The following RBBP8 variants were observed in gnomAD, a reference collection of about 807,000 sequenced individuals.
The protein encoded by RBBP8 is RB binding protein 8, endonuclease, also known as DNA endonuclease RBBP8.
A neutral mutation model predicts 108.3 loss-of-function variants in RBBP8; 88 were observed. The ratio of observed to expected loss-of-function variants is 0.81; its 90% CI spans 0.68 to 0.97. RBBP8 has a LOEUF of 0.97. Among genes scored for constraint, RBBP8 ranks in the 50% least tolerant of loss-of-function variants. The pLI is 0.00. For synonymous variants in RBBP8, 332 were observed against 348.2 expected (o/e 0.95, Z 0.52); for missense variants, 1,023 against 1,049.0 (o/e 0.98, Z 0.34).
chr18:22,923,381 A>C (rs1909671134), intron 3 of RBBP8, among the ~76,000 whole-genome samples: 1 of 152,210 alleles, frequency 6.6e-6, no homozygotes, highest in African/African-American at 2.4e-5. Flanking sequence ...TATAGAACTC[A>C]ACAATGATTC....
intron 3 of RBBP8, among the ~76,000 whole-genome samples, chr18:22,924,893 C>CT (rs139454812): frequency 2.0e-3 from 295 of 145,418 alleles, no homozygotes; most frequent in East Asian, 8.1e-3. Flanking sequence ...AGGAAGGAAG[C>CT]TTTTTTTTTT....
chr18:23,010,285 A>G (rs960599631), intron 16 of RBBP8, among the ~76,000 whole-genome samples: 2 of 152,032 alleles, frequency 1.3e-5, no homozygotes, highest in Non-Finnish European at 2.9e-5. Flanking sequence ...TCATTGAGAT[A>G]GATTCCTAGA....
intron 18 of RBBP8, among the ~76,000 whole-genome samples, chr18:23,025,197 G>A (rs1313457852): frequency 2.0e-5 from 3 of 152,168 alleles, no homozygotes; most frequent in African/African-American, 7.2e-5. Context: ...GGAGGCTGCA[G>A]TGAGCCGTTA....
chr18:22,938,050 C>T (rs1183312902), intron 2 of RBBP8, among the ~76,000 whole-genome samples: 1 of 152,118 alleles, frequency 6.6e-6, no homozygotes, highest in African/African-American at 2.4e-5. Context: ...TGGTCTTGAA[C>T]TTCTGGGCTC....
intron 6 of RBBP8, among the ~76,000 whole-genome samples, chr18:22,979,452 T>A (rs1914743195): frequency 6.6e-6 from 1 of 152,154 alleles, no homozygotes; most frequent in Non-Finnish European, 1.5e-5. Context: ...AGTGTAAATC[T>A]TTTTTGGGAA....
chr18:22,940,879 A>G (rs1229350477), intron 2 of RBBP8, among the ~76,000 whole-genome samples: 1 of 151,936 alleles, frequency 6.6e-6, no homozygotes, highest in African/African-American at 2.4e-5. Context: ...CCTGGGCTCA[A>G]GCAGTCCTCT....
chr18:23,022,668 T>TAAAATAAAAA lies in RBBP8; in HGVS notation c.2596+401_2596+402insATAAAAAAAA, dbSNP rs1353697130. Among the ~76,000 whole-genome samples, 32 of 136,064 alleles carry TAAAATAAAAA rather than the reference T, an allele frequency of 2.4e-4. 1 individual carries two copies. The highest frequency in any genetic ancestry group is 7.5e-4 in the African/African-American group (26 of 34,750). The allele number at this position is 136,064 out of a possible 152,430, so 89.3% of individuals were successfully genotyped here. ...AAATACAATATAAAATAAAATAAAA[T>TAAAATAAAAA]AAATAACTGTATATGCCCAAATGTG... On this transcript the variant is annotated intron_variant, in intron 18 of 18. Transcript: ENST00000327155.
At chr18:22,952,532 A>C (rs1001490753) in intron 4 of RBBP8, among the ~76,000 whole-genome samples, 1 of 152,222 alleles carries the variant, frequency 6.6e-6, no homozygotes, top group Non-Finnish European at 1.5e-5. Context: ...GCAGCAGTAC[A>C]TAACAGATAT....
At chr18:22,938,301 GT>G (rs1400809237) in intron 2 of RBBP8, among the ~76,000 whole-genome samples, 1 of 131,634 alleles carries the variant, frequency 7.6e-6, no homozygotes, top group African/African-American at 2.7e-5. Context: ...CAGCTAGTTT[GT>G]TTTTGTTTTT....
chr18:23,016,920 A>C lies in RBBP8; in HGVS notation c.2450A>C (p.Glu817Ala). The C allele has an allele frequency of 6.2e-7, 1 of 1,608,086 alleles. No homozygotes were observed. Among genetic ancestry groups the C allele is most frequent in the Non-Finnish European group, 8.5e-7 (1 of 1,174,686 alleles). Residue 817 changes from glutamate to alanine, a missense_variant, in exon 17 of 19, where the codon GAA becomes GCA. Transcript: ENST00000327155. ...KLLGHTCKEC[E>A]IYYADMPAEE... ...CTTGGGCACACGTGTAAGGAATGTG[A>C]AATTGTAAGTACTAATGTAGATACT... is the stretch of plus-strand genomic sequence containing the variant.
At chr18:22,940,590 G>C (rs1366585376) in intron 2 of RBBP8, among the ~76,000 whole-genome samples, 4 of 151,988 alleles carry the variant, frequency 2.6e-5, no homozygotes, top group African/African-American at 9.7e-5. Context: ...AAAGTGCTGG[G>C]ATTACAGGCG....
intron 18 of RBBP8, among the ~76,000 whole-genome samples, chr18:23,025,751 A>G (rs1821009532): frequency 6.6e-6 from 1 of 152,180 alleles, no homozygotes; most frequent in African/African-American, 2.4e-5. Context: ...CAGAATAGGA[A>G]AGTGTTTAAG....
At chr18:23,013,930 C>T (rs1305725274) in intron 16 of RBBP8, among the ~76,000 whole-genome samples, 2 of 152,166 alleles carry the variant, frequency 1.3e-5, no homozygotes, top group African/African-American at 4.8e-5. Context: ...GACCTCAATA[C>T]TACTGTTCAT....
At chr18:22,970,892 G>A (rs1407886448) in intron 5 of RBBP8, among the ~76,000 whole-genome samples, 1 of 152,048 alleles carries the variant, frequency 6.6e-6, no homozygotes, top group Non-Finnish European at 1.5e-5. Context: ...TTCTTACCTT[G>A]TTTAGGAAGG....
chr18:23,002,683 A>G (rs2045968473), intron 15 of RBBP8, among the ~76,000 whole-genome samples: 1 of 152,238 alleles, frequency 6.6e-6, no homozygotes. Flanking sequence ...CGAATTTTTA[A>G]TCTAGTGCAA....
intron 8 of RBBP8, among the ~76,000 whole-genome samples, chr18:22,986,651 AAG>A (rs1915345386): frequency 6.6e-6 from 1 of 152,250 alleles, no homozygotes. Flanking sequence ...ATTCTGGAGA[AAG>A]AGGGAACAAT....
At chr18:22,975,046 T>C in intron 5 of RBBP8, 107 bp from the exon 6 acceptor site, 2 of 1,313,962 alleles carry the variant, frequency 1.5e-6, no homozygotes, top group South Asian at 2.8e-5. Context: ...TGATTTAGGA[T>C]TAGAAGTACT....
At chr18:23,008,975 G>A (rs929612707) in intron 16 of RBBP8, among the ~76,000 whole-genome samples, 3 of 151,702 alleles carry the variant, frequency 2.0e-5, no homozygotes, top group South Asian at 2.1e-4. Flanking sequence ...GGGTTTCACC[G>A]TGTTAGCCAG....
chr18:22,959,722 ATGTGTGTGTGTGTTTGTG>A (rs1417074504), intron 4 of RBBP8, among the ~76,000 whole-genome samples: 3 of 151,004 alleles, frequency 2.0e-5, no homozygotes, highest in Non-Finnish European at 4.4e-5. Context: ...GTATATTTAT[ATGTGTGTGTGTGTTTGTG>A]TGTGTGTGTG....
Sources: gnomAD v4.1 joint callset for allele counts (sites outside exome capture counted in the v4.1 genomes callset) on GRCh38, gnomAD v4.1.1 for gene constraint, MANE v1.5 for transcripts, NCBI Gene and HGNC (gene_info 2026-07-23, HGNC 2026-07-21) for gene names.